DPYSL2: variants seen among roughly 807,000 people sequenced by gnomAD.
The protein encoded by DPYSL2 is dihydropyrimidinase like 2, also known as dihydropyrimidinase-related protein 2.
In DPYSL2, 13 loss-of-function variants were observed where a neutral mutation model predicts 69.9. That is an observed-to-expected ratio of 0.19 (90% CI 0.12 to 0.30). DPYSL2 has a LOEUF of 0.30. Among genes scored for constraint, DPYSL2 ranks in the 10% least tolerant of loss-of-function variants. The pLI is 1.00. For synonymous variants in DPYSL2, 326 were observed against 359.1 expected (o/e 0.91, Z 1.04); for missense variants, 587 against 918.9 (o/e 0.64, Z 4.67).
Position 26,643,708 on chromosome 8 carries a change from T to C in DPYSL2, c.1283+113T>C. On this transcript the variant is annotated intron_variant, in intron 9 of 13. Transcript: ENST00000521913. The surrounding 1 kb of genome is among the most constrained non-coding windows in gnomAD (Gnocchi z 6.5). Reference sequence around the variant, plus strand: ...GAGCAGCCATAAAACTGGGAGACCCTTGTTCACCAAACTAGGTTGGCTACA... The same window carrying C: ...GAGCAGCCATAAAACTGGGAGACCCCTGTTCACCAAACTAGGTTGGCTACA... 1 of 1,481,018 alleles carries C rather than the reference T, an allele frequency of 6.8e-7. No individual in the cohort carries two copies. The highest frequency in any genetic ancestry group is 9.3e-7 in the Non-Finnish European group (1 of 1,076,540). The allele number at this position is 1,481,018 out of a possible 1,614,324, so 91.7% of individuals were successfully genotyped here.
Position 26,588,920 on chromosome 8 carries a change from T to G in DPYSL2, c.628+4937T>G, listed in dbSNP as rs1235048647. The stretch of plus-strand genomic sequence containing the variant: ...TCTCTGTGTTACCTCTTGCACTCAT[T>G]CCCTTACCCACACAGATTTGACTTT... On this transcript the variant is annotated intron_variant, in intron 3 of 13. Coordinates refer to ENST00000521913, the MANE Select transcript of DPYSL2 (RefSeq NM_001197293.3). The surrounding 1 kb of genome is among the most constrained non-coding windows in gnomAD (Gnocchi z 5.4). Among the ~76,000 whole-genome samples the G allele has an allele frequency of 6.6e-6, 1 of 152,196 alleles. No individual in the cohort carries two copies. Among genetic ancestry groups the G allele is most frequent in the Non-Finnish European group, 1.5e-5 (1 of 68,032 alleles).
At position 26,517,903 on chromosome 8, in the gene DPYSL2, G is replaced by A. The variant is rs1585484352; in HGVS notation, c.354+3224G>A. Among the ~76,000 whole-genome samples, 2 of 152,182 alleles carry A rather than the reference G, an allele frequency of 1.3e-5. No individual in the cohort carries two copies. Among genetic ancestry groups the A allele is most frequent in the African/African-American group, 4.8e-5 (2 of 41,522 alleles). On this transcript the variant is annotated intron_variant, in intron 1 of 13. Coordinates refer to ENST00000521913, the MANE Select transcript of DPYSL2 (RefSeq NM_001197293.3). The surrounding 1 kb of genome is among the most constrained non-coding windows in gnomAD (Gnocchi z 4.2). ...TTCTGCCTGTGTTGAATCTCTTCTGGCCCTGGGAGCCCAGTGCTGTGCTGC... is the reference window on the plus strand; with the variant it reads ...TTCTGCCTGTGTTGAATCTCTTCTGACCCTGGGAGCCCAGTGCTGTGCTGC...
rs1803013710 is a variant in DPYSL2 at position 26,640,329 on chromosome 8, A to G, written c.1127-3110A>G. The stretch of plus-strand genomic sequence containing the variant: ...AGAGGCTGGCTTGGTCACATCCTTC[A>G]GTTTAGACTTTACCTGGAGAAGAAA... On this transcript the variant is annotated intron_variant, in intron 8 of 13. Transcript: ENST00000521913. The surrounding 1 kb of genome is among the most constrained non-coding windows in gnomAD (Gnocchi z 4.2). Among the ~76,000 whole-genome samples the G allele has an allele frequency of 6.6e-6, 1 of 152,212 alleles. No homozygotes were observed. Among genetic ancestry groups the G allele is most frequent in the Non-Finnish European group, 1.5e-5 (1 of 68,034 alleles).
intron 3 of DPYSL2, among the ~76,000 whole-genome samples, chr8:26,616,988 CTG>C (rs935672579): frequency 3.9e-4 from 60 of 152,350 alleles, no homozygotes; most frequent in Middle Eastern, 3.4e-3. Context: ...GACTTACAGA[CTG>C]TGGTACCTGC....
intron 8 of DPYSL2, 89 bp downstream of exon 8, chr8:26,634,989 C>T: frequency 6.4e-7 from 1 of 1,554,390 alleles, no homozygotes; most frequent in Non-Finnish European, 8.7e-7. Flanking sequence ...CTTTTCCAGA[C>T]CCTCATGCCA....
In DPYSL2 at chr8:26,533,349, A is replaced by G. The variant is rs950380176; in HGVS notation, c.354+18670A>G. On this transcript the variant is annotated intron_variant, in intron 1 of 13. Transcript: ENST00000521913. This position sits in a 1 kb window ranked among gnomAD's most constrained non-coding sequence, Gnocchi z 4.8. Reference sequence around the variant, plus strand: ...ACTTTCCTGATAGTGTCCTTGACGTATGAATGCTTTTAATTTTGACAAAGT... The same window carrying G: ...ACTTTCCTGATAGTGTCCTTGACGTGTGAATGCTTTTAATTTTGACAAAGT... Among the ~76,000 whole-genome samples the G allele has an allele frequency of 6.6e-6, 1 of 152,126 alleles. No individual in the cohort carries two copies. The highest frequency in any genetic ancestry group is 1.5e-5 in the Non-Finnish European group (1 of 68,028).
intron 1 of DPYSL2, among the ~76,000 whole-genome samples, chr8:26,523,347 C>G (rs1015862064): frequency 1.3e-5 from 2 of 151,980 alleles, no homozygotes; most frequent in African/African-American, 4.8e-5. Context: ...AATTTACTGT[C>G]TTAACAATTT....
At chr8:26,595,848 A>T (rs1407569935) in intron 3 of DPYSL2, among the ~76,000 whole-genome samples, 3 of 152,222 alleles carry the variant, frequency 2.0e-5, no homozygotes, top group Non-Finnish European at 4.4e-5. Context: ...GTATGGACCC[A>T]GCAGAACTGA....
chr8:26,612,443 A>G (rs557246346), intron 3 of DPYSL2, among the ~76,000 whole-genome samples: 1 of 152,380 alleles, frequency 6.6e-6, no homozygotes, highest in South Asian at 2.1e-4. Flanking sequence ...AGGTTCTTCC[A>G]CAGGGAAATT....
intron 1 of DPYSL2, among the ~76,000 whole-genome samples, chr8:26,535,575 A>G (rs1800577306): frequency 6.6e-6 from 1 of 151,958 alleles, no homozygotes; most frequent in Non-Finnish European, 1.5e-5. Flanking sequence ...CAATAAACAG[A>G]AAAGCATGCT....
At chr8:26,573,526 G>A (rs906112969) in intron 1 of DPYSL2, among the ~76,000 whole-genome samples, 5 of 151,998 alleles carry the variant, frequency 3.3e-5, no homozygotes, top group African/African-American at 9.7e-5. Context: ...AAAATTAGCT[G>A]GGCGTGGTGG....
At chr8:26,637,779 A>T (rs1802953405) in intron 8 of DPYSL2, 1 of 152,186 alleles carries the variant, frequency 6.6e-6, no homozygotes. Flanking sequence ...TCATCTCCAC[A>T]TGTCCTTTTG....
intron 1 of DPYSL2, among the ~76,000 whole-genome samples, chr8:26,530,557 A>T (rs534655231): frequency 1.4e-4 from 22 of 152,030 alleles, no homozygotes; most frequent in African/African-American, 5.1e-4. Flanking sequence ...TTCCAATAGG[A>T]CTCTGGACTG....
rs1306378187 is a variant in DPYSL2, at chr8:26,653,789, C to A, written c.1942+392C>A. 6.6e-6 allele frequency among the ~76,000 whole-genome samples: 1 copy of A among 152,158 alleles called. No individual in the cohort carries two copies. Among genetic ancestry groups the A allele is most frequent in the African/African-American group, 2.4e-5 (1 of 41,430 alleles). ...GCCAGGCTGATAGAACTCCTGACTT[C>A]AGGTGATCTGCCCGCCTCGGCCTCC... On this transcript the variant is annotated intron_variant, in intron 13 of 13. Transcript: ENST00000521913. The surrounding 1 kb of genome is among the most constrained non-coding windows in gnomAD (Gnocchi z 5.7).
intron 1 of DPYSL2, among the ~76,000 whole-genome samples, chr8:26,525,030 T>A (rs1335756864): frequency 6.6e-6 from 1 of 152,122 alleles, no homozygotes; most frequent in East Asian, 1.9e-4. Flanking sequence ...CTGCTACATA[T>A]TTTTTCTTAG....
At position 26,626,066 on chromosome 8, in the gene DPYSL2, T is replaced by A. The variant is rs1802605929; in HGVS notation, c.794-551T>A. On this transcript the variant is annotated intron_variant, in intron 4 of 13. Coordinates refer to ENST00000521913, the MANE Select transcript of DPYSL2 (RefSeq NM_001197293.3). The surrounding 1 kb of genome is among the most constrained non-coding windows in gnomAD (Gnocchi z 4.3). ...GTGAAATTGACTTCTAGGGACCTCA[T>A]ACAAGTGGAATCATATAGTATTTGT... is the stretch of plus-strand genomic sequence containing the variant. Among the ~76,000 whole-genome samples, 1 of 152,236 alleles carries A rather than the reference T, an allele frequency of 6.6e-6. No individual in the cohort carries two copies. Among genetic ancestry groups the A allele is most frequent in the Non-Finnish European group, 1.5e-5 (1 of 68,050 alleles).
rs982366046 is a variant in DPYSL2 at position 26,617,373 on chromosome 8, T to C, written c.629-6770T>C. Among the ~76,000 whole-genome samples the C allele has an allele frequency of 6.6e-6, 1 of 152,200 alleles. No individual in the cohort carries two copies. The highest frequency in any genetic ancestry group is 1.5e-5 in the Non-Finnish European group (1 of 68,038). On this transcript the variant is annotated intron_variant, in intron 3 of 13. Coordinates refer to ENST00000521913, the MANE Select transcript of DPYSL2 (RefSeq NM_001197293.3). The surrounding 1 kb of genome is among the most constrained non-coding windows in gnomAD (Gnocchi z 4.7). Reference sequence around the variant, plus strand: ...TAGACAGTGTGGTGGCGCACGCCTGTGGTCCTAGCTATTTGGGAGGATGAG... The same window carrying C: ...TAGACAGTGTGGTGGCGCACGCCTGCGGTCCTAGCTATTTGGGAGGATGAG...
At position 26,626,901 on chromosome 8, in the gene DPYSL2, G is replaced by T. The variant is rs113731136; in HGVS notation, c.855+223G>T. Among the ~76,000 whole-genome samples, 1 of 152,142 alleles carries T rather than the reference G, an allele frequency of 6.6e-6. No individual in the cohort carries two copies. Among genetic ancestry groups the T allele is most frequent in the Non-Finnish European group, 1.5e-5 (1 of 68,036 alleles). On this transcript the variant is annotated intron_variant, in intron 5 of 13. Transcript: ENST00000521913. The surrounding 1 kb of genome is among the most constrained non-coding windows in gnomAD (Gnocchi z 4.3). ...CGCCCTGGATCTGAGGCTCTGCCCC[G>T]CACGGCGTGTGTGGGAGCGGCACTC...
At position 26,588,048 on chromosome 8, in the gene DPYSL2, G is replaced by A. The variant is rs1801643616; in HGVS notation, c.628+4065G>A. ...GCCTCAGTGGCCTCATCTGCAAAAT[G>A]GGGCAAGTTTTGACAAAGGTGGACT... On this transcript the variant is annotated intron_variant, in intron 3 of 13. Transcript: ENST00000521913. This position sits in a 1 kb window ranked among gnomAD's most constrained non-coding sequence, Gnocchi z 5.4. Among the ~76,000 whole-genome samples, 1 of 152,188 alleles carries A rather than the reference G, an allele frequency of 6.6e-6. No individual in the cohort carries two copies. Among genetic ancestry groups the A allele is most frequent in the African/African-American group, 2.4e-5 (1 of 41,452 alleles).
Sources: allele counts gnomAD v4.1 joint callset (sites outside exome capture counted in the v4.1 genomes callset), GRCh38; gene constraint gnomAD v4.1.1; non-coding constraint Gnocchi (gnomAD v3.1); transcripts MANE v1.5; gene names NCBI Gene and HGNC (gene_info 2026-07-23, HGNC 2026-07-21).